Variants in OXCT1 observed in about 807,000 individuals in gnomAD.
OXCT1 encodes the protein succinyl-CoA:3-ketoacid coenzyme A transferase 1, mitochondrial.
A neutral mutation model predicts 69.6 loss-of-function variants in OXCT1; 27 were observed. The observed-to-expected ratio is 0.39, with a 90% CI of 0.29 to 0.54. The LOEUF is 0.54. Ranked by LOEUF, OXCT1 falls within the 20% of genes least tolerant of loss-of-function variation. The probability of loss-of-function intolerance (pLI) is 0.72; values close to 1 mark genes in which losing one functional copy is unlikely to be tolerated. For missense variants in OXCT1, 437 were observed against 650.2 expected, an observed-to-expected ratio of 0.67 and a Z score of 3.57; for synonymous variants, 202 against 217.8, an observed-to-expected ratio of 0.93 and a Z score of 0.64.
chr5:41,801,189 G>C (rs1746409963), intron 10 of OXCT1, 119 bp from the exon 11 acceptor site: 3 of 810,382 alleles, frequency 3.7e-6, no homozygotes, highest in Non-Finnish European at 6.2e-6. Context: ...GAAGACTTGA[G>C]GTAAACTTTT....
At position 41,817,200 on chromosome 5, in the gene OXCT1, A is replaced by G. The variant is rs186148926; in HGVS notation, c.733-9762T>C. On this transcript the variant is annotated intron_variant, in intron 7 of 16. Transcript: ENST00000196371. ...GGGACATTTTAGTCCATATGATTCTAATGCCATGTATTTCACTGAGCCTTC... is the reference window on the plus strand; with the variant it reads ...GGGACATTTTAGTCCATATGATTCTGATGCCATGTATTTCACTGAGCCTTC... Among the ~76,000 whole-genome samples the G allele has an allele frequency of 2.5e-4, 38 of 152,278 alleles. No homozygotes were observed. In the East Asian group the frequency reaches 2.5e-3, roughly 10 times the overall value.
intron 15 of OXCT1, among the ~76,000 whole-genome samples, chr5:41,744,769 A>T (rs1353942302): frequency 6.6e-6 from 1 of 152,172 alleles, no homozygotes; most frequent in Admixed American, 6.6e-5. Flanking sequence ...CAGGGGTTGC[A>T]ATCCTAGTCT....
rs200971301 is a variant in OXCT1, at chr5:41,731,783, GA to G, written c.1522-14del. 683 of 1,597,388 alleles carry G rather than the reference GA, an allele frequency of 4.3e-4. 3 individuals carry two copies. The East Asian group carries it at 9.4e-3, about 22-fold the overall frequency. ...GTTTTGGTGAAACCTGGTAAAAGAGGAAAAAAAAATCAAATTATGAAAAACT... is the reference window on the plus strand; with the variant it reads ...GTTTTGGTGAAACCTGGTAAAAGAGGAAAAAAAATCAAATTATGAAAAACT... On this transcript the variant is annotated splice_polypyrimidine_tract_variant and intron_variant, in intron 16 of 16. Transcript: ENST00000196371.
intron 16 of OXCT1, among the ~76,000 whole-genome samples, chr5:41,738,319 A>G (rs1021961045): frequency 2.6e-5 from 4 of 152,144 alleles, no homozygotes; most frequent in African/African-American, 9.7e-5. Context: ...CTTGATTTGG[A>G]GCTCCCATAA....
chr5:41,799,144 A>G (rs1018778985), intron 11 of OXCT1, among the ~76,000 whole-genome samples: 1 of 152,180 alleles, frequency 6.6e-6, no homozygotes, highest in Non-Finnish European at 1.5e-5. Context: ...AATTTTTATC[A>G]TACCAATTAT....
At chr5:41,776,071 A>G (rs10038717) in intron 13 of OXCT1, among the ~76,000 whole-genome samples, 1,757 of 152,300 alleles carry the variant, frequency 0.012, 36 homozygotes, top group African/African-American at 0.04. Flanking sequence ...TGAGGGATGC[A>G]ATGTAGGTAT....
Position 41,731,423 on chromosome 5 carries a change from G to A in OXCT1, c.*306C>T, listed in dbSNP as rs753367280. 1.9e-6 allele frequency: 2 copies of A among 1,046,514 alleles called. No homozygotes were observed. The highest frequency in any genetic ancestry group is 2.3e-6 in the Non-Finnish European group (2 of 852,866). The allele number at this position is 1,046,514 out of a possible 1,614,324, so 64.8% of individuals were successfully genotyped here. On this transcript the variant is annotated 3_prime_UTR_variant, in exon 17 of 17. Transcript: ENST00000196371. Reference sequence around the variant, plus strand: ...CATCAATTTCTAGGGCCCTTCTTGGGGAAAGGTTCATATAATTTAGCATAC... The same window carrying A: ...CATCAATTTCTAGGGCCCTTCTTGGAGAAAGGTTCATATAATTTAGCATAC...
At chr5:41,843,597 C>A in intron 5 of OXCT1, 1 of 456,092 alleles carries the variant, frequency 2.2e-6, no homozygotes. Flanking sequence ...TTATTCTTGA[C>A]GGTTTATTTC....
chr5:41,817,310 A>C (rs1008262180), intron 7 of OXCT1, among the ~76,000 whole-genome samples: 2 of 152,212 alleles, frequency 1.3e-5, no homozygotes, highest in East Asian at 3.8e-4. Context: ...TTCAGCCCTA[A>C]CATCATCTAA....
At chr5:41,779,594 A>T (rs1438117769) in intron 13 of OXCT1, among the ~76,000 whole-genome samples, 1 of 152,176 alleles carries the variant, frequency 6.6e-6, no homozygotes, top group Non-Finnish European at 1.5e-5. Flanking sequence ...ATGCTTACTC[A>T]CTTTCTACAA....
intron 13 of OXCT1, among the ~76,000 whole-genome samples, chr5:41,786,246 C>A (rs867477688): frequency 6.6e-6 from 1 of 152,196 alleles, no homozygotes; most frequent in Non-Finnish European, 1.5e-5. Flanking sequence ...CCACTCCACA[C>A]ACACAGAGAG....
intron 16 of OXCT1, among the ~76,000 whole-genome samples, chr5:41,734,525 C>T (rs1469819247): frequency 6.6e-6 from 1 of 152,172 alleles, no homozygotes; most frequent in African/African-American, 2.4e-5. Context: ...AAGTAACTGG[C>T]ATACTGCATG....
intron 15 of OXCT1, among the ~76,000 whole-genome samples, chr5:41,747,721 A>G (rs956005625): frequency 3.9e-5 from 6 of 152,116 alleles, no homozygotes; most frequent in Non-Finnish European, 8.8e-5. Context: ...GCATTTTAGC[A>G]TGGCTCAAGT....
rs1275847392 is a variant in OXCT1 at position 41,850,057 on chromosome 5, A to G, written c.537T>C (p.Ser179=). The change falls in exon 5 of 17, where the codon AGT becomes AGC. Residue 179 remains serine (S), a synonymous_variant. Coordinates refer to ENST00000196371, the MANE Select transcript of OXCT1 (RefSeq NM_000436.4). ...GSPIKYNKDG[S]VAIASKPREV... ...CTCTTGGCTTACTGGCAATGGCAAC[A>G]CTGCCATCTTTGTTGTATTTGATGG... 1.2e-6 allele frequency: 2 copies of G among 1,613,816 alleles called. No individual in the cohort carries two copies. The highest frequency in any genetic ancestry group is 2.2e-5 in the East Asian group (1 of 44,882).
intron 7 of OXCT1, among the ~76,000 whole-genome samples, chr5:41,808,947 T>G: frequency 6.6e-6 from 1 of 152,086 alleles, no homozygotes; most frequent in East Asian, 1.9e-4. Flanking sequence ...GATTTATTAT[T>G]CATGAAAACA....
At chr5:41,800,192 G>A (rs1394383100) in intron 11 of OXCT1, among the ~76,000 whole-genome samples, 1 of 151,906 alleles carries the variant, frequency 6.6e-6, no homozygotes, top group African/African-American at 2.4e-5. Context: ...AGTAATAAAA[G>A]GTAAAGCATA....
At position 41,859,864 on chromosome 5, in the gene OXCT1, A is replaced by AATATATATATAT. The variant is rs3050894; in HGVS notation, c.278+1438_278+1449dup. ...AACTATTATACCTGACTAGTATAGT[A>AATATATATATAT]ATATATATATATATATATATATGTA... On this transcript the variant is annotated intron_variant, in intron 3 of 16. Transcript: ENST00000196371. Among the ~76,000 whole-genome samples the AATATATATATAT allele has an allele frequency of 5.7e-3, 689 of 119,900 alleles. 7 individuals are homozygous for AATATATATATAT. Among genetic ancestry groups the AATATATATATAT allele is most frequent in the African/African-American group, 8.4e-3 (275 of 32,878 alleles). 78.7% of individuals were successfully genotyped at this position (119,900 alleles called of 152,430 possible). A position where few individuals can be genotyped will look rare whatever the true frequency, so the allele number is the denominator to read the frequency against.
chr5:41,799,039 G>C (rs1236139671), intron 11 of OXCT1, among the ~76,000 whole-genome samples: 1 of 152,244 alleles, frequency 6.6e-6, no homozygotes, highest in African/African-American at 2.4e-5. Flanking sequence ...TATGCTCTAA[G>C]CCATGTAAAA....
At chr5:41,802,474 A>G (rs1746467044) in intron 10 of OXCT1, among the ~76,000 whole-genome samples, 1 of 152,222 alleles carries the variant, frequency 6.6e-6, no homozygotes, top group Non-Finnish European at 1.5e-5. Context: ...ATCTTAAGGA[A>G]GAAAAAAATT....
Sources: allele counts gnomAD v4.1 joint callset (sites outside exome capture counted in the v4.1 genomes callset), GRCh38; gene constraint gnomAD v4.1.1; transcripts MANE v1.5; gene names NCBI Gene and HGNC (gene_info 2026-07-23, HGNC 2026-07-21).